Variants in CASR observed in about 807,000 individuals in gnomAD.
The protein encoded by CASR is extracellular calcium-sensing receptor.
Under a neutral mutation model 69.1 loss-of-function variants are expected in CASR, and 23 were observed. The ratio of observed to expected loss-of-function variants is 0.33; its 90% confidence interval spans 0.24 to 0.47. The LOEUF (loss-of-function observed/expected upper bound fraction) is 0.47, where lower values mean the gene tolerates loss of function less well. Ranked by LOEUF, CASR falls within the 20% of genes least tolerant of loss-of-function variation. The pLI, the probability that CASR is intolerant of heterozygous loss-of-function variation, is 1.00. For missense variants in CASR, 924 were observed against 1,356.1 expected (o/e 0.68, Z 5.00); for synonymous variants, 541 against 544.7 (o/e 0.99, Z 0.10).
intron 1 of CASR, among the ~76,000 whole-genome samples, chr3:122,188,784 C>T (rs2073813317): frequency 6.6e-6 from 1 of 152,142 alleles, no homozygotes; most frequent in Admixed American, 6.5e-5. Context: ...TCCTTTTTCT[C>T]ATGTCTTCTC....
At chr3:122,266,498 T>C (rs13087519) in intron 4 of CASR, among the ~76,000 whole-genome samples, 85,394 of 151,536 alleles carry the variant, frequency 0.56, 26,390 homozygotes, top group Middle Eastern at 0.74. Context: ...GGCCCGATCT[T>C]GGCTCACTGC....
Position 122,288,408 on chromosome 3 carries a change from T to C in CASR, c.*3217T>C, listed in dbSNP as rs1461129006. Reference sequence around the variant, plus strand: ...TCTGTAAGATAATACATTTGTGTTGTTTTAAGCCATGAAGTTTATAGTAAT... The same window carrying C: ...TCTGTAAGATAATACATTTGTGTTGCTTTAAGCCATGAAGTTTATAGTAAT... On this transcript the variant is annotated 3_prime_UTR_variant, in exon 7 of 7. Coordinates refer to ENST00000639785, the MANE Select transcript of CASR (RefSeq NM_000388.4). 6.6e-6 allele frequency: 1 copy of C among 152,262 alleles called. No individual in the cohort carries two copies. The highest frequency in any genetic ancestry group is 1.5e-5 in the Non-Finnish European group (1 of 68,044). 9.4% of individuals were successfully genotyped at this position (152,262 alleles called of 1,614,324 possible). A position where few individuals can be genotyped will look rare whatever the true frequency, so the allele number is the denominator to read the frequency against.
At chr3:122,251,649 C>T (rs60580302) in intron 1 of CASR, among the ~76,000 whole-genome samples, 1 of 152,180 alleles carries the variant, frequency 6.6e-6, no homozygotes, top group African/African-American at 2.4e-5. Context: ...TTTTAAAAGC[C>T]TGATGTACTT....
chr3:122,239,595 C>G (rs1429534672), intron 1 of CASR, among the ~76,000 whole-genome samples: 2 of 152,222 alleles, frequency 1.3e-5, no homozygotes, highest in Non-Finnish European at 2.9e-5. Flanking sequence ...GTAGTGGTTA[C>G]AGCAGGCCTG....
intron 3 of CASR, chr3:122,257,653 G>A: frequency 2.7e-6 from 1 of 372,710 alleles, no homozygotes; most frequent in Non-Finnish European, 4.9e-6. Context: ...GAGGCATTCA[G>A]TTATTTATTT....
Position 122,261,779 on chromosome 3 carries a change from T to A in CASR, c.744T>A (p.Asp248Glu). The change falls in exon 4 of 7, where the codon GAT becomes GAA. Residue 248 changes from aspartate (D) to glutamate (E), a missense_variant. By Grantham distance (45) the Asp-to-Glu change is conservative. Coordinates refer to ENST00000639785, the MANE Select transcript of CASR (RefSeq NM_000388.4). ...DFSELISQYSDEEEIQHVVEV... is the reference protein window; with the variant it reads ...DFSELISQYSEEEEIQHVVEV... ...GTGAACTCATCTCCCAGTACTCTGATGAGGAAGAGATCCAGCATGTGGTAG... is the reference window on the plus strand; with the variant it reads ...GTGAACTCATCTCCCAGTACTCTGAAGAGGAAGAGATCCAGCATGTGGTAG... The A allele has an allele frequency of 6.2e-7, 1 of 1,614,246 alleles. No individual in the cohort carries two copies. Among genetic ancestry groups the A allele is most frequent in the Non-Finnish European group, 8.5e-7 (1 of 1,180,028 alleles).
In CASR at chr3:122,230,570, T is replaced by C. The variant is rs189739212; in HGVS notation, c.-242-23378T>C. On this transcript the variant is annotated intron_variant, in intron 1 of 6. Coordinates refer to ENST00000639785, the MANE Select transcript of CASR (RefSeq NM_000388.4). Reference sequence around the variant, plus strand: ...ACAGGGCAGCGGCTGAACCCATCTCTGTAGGTGGGAGGTGGGATGGGAGGG... The same window carrying C: ...ACAGGGCAGCGGCTGAACCCATCTCCGTAGGTGGGAGGTGGGATGGGAGGG... 3.3e-5 allele frequency among the ~76,000 whole-genome samples: 5 copies of C among 152,268 alleles called. No homozygotes were observed. In the East Asian group the frequency reaches 9.6e-4, roughly 29 times the overall value.
intron 6 of CASR, among the ~76,000 whole-genome samples, chr3:122,282,658 T>C (rs2074906632): frequency 1.3e-5 from 2 of 152,348 alleles, no homozygotes; most frequent in Non-Finnish European, 2.9e-5. Context: ...GTGGGAATAA[T>C]AATTAAACCT....
intron 1 of CASR, among the ~76,000 whole-genome samples, chr3:122,240,959 G>T (rs1053414901): frequency 3.3e-5 from 5 of 151,876 alleles, no homozygotes; most frequent in Admixed American, 2.6e-4. Context: ...AATTAAGAAG[G>T]AAATTTAAAA....
intron 1 of CASR, among the ~76,000 whole-genome samples, chr3:122,243,218 A>G (rs1244993097): frequency 6.6e-6 from 1 of 152,182 alleles, no homozygotes; most frequent in Admixed American, 6.5e-5. Flanking sequence ...AAAAGAAACA[A>G]TCAACAAAGT....
chr3:122,236,983 A>C (rs1378335855), intron 1 of CASR, among the ~76,000 whole-genome samples: 1 of 152,226 alleles, frequency 6.6e-6, no homozygotes, highest in Non-Finnish European at 1.5e-5. Flanking sequence ...CCTTAATTTT[A>C]AAATAGATGT....
rs1471905599 is a variant in CASR at position 122,183,815 on chromosome 3, AAG to A, written c.-243+6_-243+7del. The A allele has an allele frequency of 1.3e-5, 2 of 152,234 alleles. No homozygotes were observed. Among genetic ancestry groups the A allele is most frequent in the South Asian group, 2.1e-4 (1 of 4,828 alleles). The allele number at this position is 152,234 out of a possible 1,614,324, so 9.4% of individuals were successfully genotyped here. A position where few individuals can be genotyped will look rare whatever the true frequency, so the allele number is the denominator to read the frequency against. ...TTGACCTGAGTCTTGCAGAATGAGT[AAG>A]AGTTTGGGCACGCGATTTGTATTTA... On this transcript the variant is annotated splice_donor_5th_base_variant and intron_variant, in intron 1 of 6. Coordinates refer to ENST00000639785, the MANE Select transcript of CASR (RefSeq NM_000388.4).
Position 122,223,491 on chromosome 3 carries a change from G to T in CASR, c.-242-30457G>T, listed in dbSNP as rs575968627. ...CTGGAAATCCAAGCCTCTCAAGATTGAAACAGGAAAAAATTGAAACCTTGA... is the reference window on the plus strand; with the variant it reads ...CTGGAAATCCAAGCCTCTCAAGATTTAAACAGGAAAAAATTGAAACCTTGA... On this transcript the variant is annotated intron_variant, in intron 1 of 6. Transcript: ENST00000639785. 1.4e-4 allele frequency among the ~76,000 whole-genome samples: 21 copies of T among 152,206 alleles called. 1 individual carries two copies. Among genetic ancestry groups the T allele is most frequent in the African/African-American group, 5.1e-4 (21 of 41,550 alleles).
intron 1 of CASR, among the ~76,000 whole-genome samples, chr3:122,205,808 G>T (rs1290120621): frequency 6.6e-6 from 1 of 151,654 alleles, no homozygotes; most frequent in Non-Finnish European, 1.5e-5. Context: ...TTTATTCCTA[G>T]ATATTTTATA....
In CASR at chr3:122,261,674, A is replaced by G; in HGVS notation, c.639A>G (p.Ala213=). The change falls in exon 4 of 7, where the codon GCA becomes GCG. Residue 213 remains alanine, a synonymous_variant. Coordinates refer to ENST00000639785, the MANE Select transcript of CASR (RefSeq NM_000388.4). The part of the protein sequence containing the change: ...YFRWNWVGTI[A]ADDDYGRPGI... ...GCTGGAACTGGGTGGGCACAATTGC[A>G]GCTGATGACGACTATGGGCGGCCGG... 6.2e-7 allele frequency: 1 copy of G among 1,614,262 alleles called. No individual in the cohort carries two copies. Among genetic ancestry groups the G allele is most frequent in the Non-Finnish European group, 8.5e-7 (1 of 1,180,036 alleles).
chr3:122,184,949 C>T (rs1176727772), intron 1 of CASR, among the ~76,000 whole-genome samples: 1 of 152,174 alleles, frequency 6.6e-6, no homozygotes, highest in African/African-American at 2.4e-5. Context: ...GCTCTGGCCC[C>T]AGGGGCCGTC....
intron 1 of CASR, among the ~76,000 whole-genome samples, chr3:122,214,075 T>C (rs192859346): frequency 6.6e-6 from 1 of 152,250 alleles, no homozygotes; most frequent in Non-Finnish European, 1.5e-5. Flanking sequence ...TTGTTGTTGC[T>C]TACTATCTCT....
chr3:122,274,023 C>T (rs2074787826), intron 4 of CASR, among the ~76,000 whole-genome samples: 2 of 152,214 alleles, frequency 1.3e-5, no homozygotes, highest in Admixed American at 1.3e-4. Flanking sequence ...TGAAGGCAAA[C>T]ATAAGGTTGT....
intron 5 of CASR, among the ~76,000 whole-genome samples, chr3:122,278,286 C>A (rs1321706625): frequency 6.6e-6 from 1 of 152,124 alleles, no homozygotes; most frequent in Non-Finnish European, 1.5e-5. Flanking sequence ...CTTTAAAGAT[C>A]CTTGTATCCA....
Sources: allele counts gnomAD v4.1 joint callset (sites outside exome capture counted in the v4.1 genomes callset), GRCh38; gene constraint gnomAD v4.1.1; transcripts MANE v1.5; gene names NCBI Gene and HGNC (gene_info 2026-07-23, HGNC 2026-07-21).